XIRP2: variants seen among roughly 807,000 people sequenced by gnomAD.
XIRP2 encodes the protein xin actin binding repeat containing 2, also known as xin actin-binding repeat-containing protein 2.
Under a neutral mutation model 277.0 loss-of-function variants are expected in XIRP2, and 236 were observed. That is an observed-to-expected ratio of 0.85 (90% CI 0.77 to 0.95). The LOEUF is 0.95. XIRP2 is among the 40% of genes least tolerant of loss of function. XIRP2 has a pLI of 0.00. For missense variants in XIRP2, 4,640 were observed against 4,157.5 expected, an observed-to-expected ratio of 1.12 and a Z score of -3.19; for synonymous variants, 1,490 against 1,416.5, an observed-to-expected ratio of 1.05 and a Z score of -1.17.
At chr2:167,010,754 G>T (rs565252181) in intron 2 of XIRP2, among the ~76,000 whole-genome samples, 2 of 152,080 alleles carry the variant, frequency 1.3e-5, no homozygotes, top group South Asian at 4.2e-4. Flanking sequence ...ATTGAGCAGT[G>T]GTTTGTAGTT....
intron 5 of XIRP2, among the ~76,000 whole-genome samples, chr2:167,226,548 C>T (rs968287591): frequency 2.6e-5 from 4 of 152,278 alleles, no homozygotes; most frequent in African/African-American, 9.6e-5. Flanking sequence ...AGCAACCACA[C>T]GAGGACTTGC....
intron 2 of XIRP2, among the ~76,000 whole-genome samples, chr2:167,006,269 C>T (rs999735678): frequency 6.6e-6 from 1 of 151,394 alleles, no homozygotes; most frequent in Non-Finnish European, 1.5e-5. Context: ...TTTTTTATCC[C>T]CCCTAGGAGT....
At chr2:167,143,463 T>G (rs1691783482) in intron 3 of XIRP2, among the ~76,000 whole-genome samples, 1 of 152,072 alleles carries the variant, frequency 6.6e-6, no homozygotes, top group Non-Finnish European at 1.5e-5. Flanking sequence ...TCCAAGTAGA[T>G]CCTGCAAAAC....
intron 2 of XIRP2, among the ~76,000 whole-genome samples, chr2:166,926,995 A>C (rs1443778286): frequency 6.6e-6 from 1 of 152,148 alleles, no homozygotes; most frequent in Non-Finnish European, 1.5e-5. Context: ...TGGCTCATTG[A>C]GCTGAGAATA....
At chr2:167,201,206 GAAAGAAAGAAAGAAAGA>G (rs1693684751) in intron 3 of XIRP2, among the ~76,000 whole-genome samples, 2 of 84,626 alleles carry the variant, frequency 2.4e-5, no homozygotes, top group Admixed American at 2.5e-4. Context: ...AAGAAAGAAA[GAAAGAAAGAAAGAAAGA>G]AAGAAAGAAA....
chr2:167,046,307 T>C (rs1275819981), intron 2 of XIRP2, among the ~76,000 whole-genome samples: 1 of 151,816 alleles, frequency 6.6e-6, no homozygotes, highest in East Asian at 1.9e-4. Flanking sequence ...GTTCTCAAGG[T>C]ATTGCCCATT....
At chr2:167,086,104 C>T (rs997480517) in intron 2 of XIRP2, among the ~76,000 whole-genome samples, 1 of 151,934 alleles carries the variant, frequency 6.6e-6, no homozygotes, top group African/African-American at 2.4e-5. Context: ...CCATGTTTAG[C>T]ACTTCCTTCA....
Position 166,895,006 on chromosome 2 carries a change from G to A in XIRP2, c.-19+6449G>A, listed in dbSNP as rs1243841810. ...GGAGAGAGAAGAGTACTTACGCAGA[G>A]GGACAGCCTTTGCAAAGGTCCTGTG... On this transcript the variant is annotated intron_variant, in intron 1 of 10. Coordinates refer to ENST00000409195, the MANE Select transcript of XIRP2 (RefSeq NM_152381.6). Among the ~76,000 whole-genome samples, 4 of 152,086 alleles carry A rather than the reference G, an allele frequency of 2.6e-5. No individual in the cohort carries two copies. The East Asian group carries it at 5.8e-4, about 22-fold the overall frequency.
At chr2:167,037,897 T>C (rs532087583) in intron 2 of XIRP2, among the ~76,000 whole-genome samples, 2 of 152,168 alleles carry the variant, frequency 1.3e-5, no homozygotes, top group South Asian at 4.1e-4. Flanking sequence ...AGATTATTGA[T>C]AATTTCTTTT....
intron 1 of XIRP2, among the ~76,000 whole-genome samples, chr2:166,898,299 G>A (rs980315762): frequency 6.6e-6 from 1 of 152,086 alleles, no homozygotes; most frequent in African/African-American, 2.4e-5. Context: ...TTGGAACTGA[G>A]AGGTCGTAGA....
At chr2:167,150,043 A>G (rs571347197) in intron 3 of XIRP2, among the ~76,000 whole-genome samples, 5 of 152,148 alleles carry the variant, frequency 3.3e-5, no homozygotes, top group East Asian at 3.9e-4. Context: ...CAGAAGCTCA[A>G]TCTCAGCATT....
intron 2 of XIRP2, among the ~76,000 whole-genome samples, chr2:167,049,420 CAGAAT>C (rs1311146545): frequency 4.0e-5 from 6 of 150,706 alleles, no homozygotes; most frequent in African/African-American, 1.5e-4. Flanking sequence ...CTTAACAAAA[CAGAAT>C]AGAATAGTTT....
chr2:166,950,949 T>C (rs748110063), intron 2 of XIRP2, among the ~76,000 whole-genome samples: 2 of 152,046 alleles, frequency 1.3e-5, no homozygotes, highest in Non-Finnish European at 2.9e-5. Flanking sequence ...TCACTCTTCC[T>C]ATAACGAGGG....
intron 2 of XIRP2, among the ~76,000 whole-genome samples, chr2:167,070,430 T>C (rs1689408905): frequency 6.6e-6 from 1 of 152,168 alleles, no homozygotes; most frequent in African/African-American, 2.4e-5. Context: ...CTGAGCTCAC[T>C]GAACTTCAGG....
chr2:167,088,244 G>A (rs1031096226), intron 2 of XIRP2, among the ~76,000 whole-genome samples: 20 of 152,050 alleles, frequency 1.3e-4, no homozygotes, highest in African/African-American at 4.8e-4. Flanking sequence ...ATCCCCTAAA[G>A]CAGGAAGTTT....
At chr2:166,891,479 A>G (rs1684103435) in intron 1 of XIRP2, among the ~76,000 whole-genome samples, 1 of 152,184 alleles carries the variant, frequency 6.6e-6, no homozygotes, top group Non-Finnish European at 1.5e-5. Flanking sequence ...TTGACAATAT[A>G]TAATAATAAA....
At chr2:167,172,067 G>A (rs887905978) in intron 3 of XIRP2, among the ~76,000 whole-genome samples, 1 of 152,156 alleles carries the variant, frequency 6.6e-6, no homozygotes, top group Admixed American at 6.5e-5. Flanking sequence ...TTCAATGTGA[G>A]TCCTTTTCTA....
intron 2 of XIRP2, among the ~76,000 whole-genome samples, chr2:167,077,395 A>G (rs1031917437): frequency 1.3e-5 from 2 of 152,064 alleles, no homozygotes; most frequent in African/African-American, 4.8e-5. Context: ...AGAACCTATT[A>G]TGTGGCAGCC....
Position 167,246,251 on chromosome 2 carries a change from A to G in XIRP2, c.4859A>G (p.Glu1620Gly). The stretch of plus-strand genomic sequence containing the variant: ...CTACTTTCCAAAAGGGACTGTACTG[A>G]AAGAGAGATTTTGATTAGTGAAGAA... The part of the protein sequence containing the change: ...VNLLSKRDCT[E>G]REILISEEEK... The change falls in exon 9 of 11, where the codon GAA (glutamate) becomes GGA (glycine). Residue 1620 changes from glutamate (E) to glycine (G), a missense_variant. Transcript: ENST00000409195. The G allele has an allele frequency of 6.2e-7, 1 of 1,613,538 alleles. No individual in the cohort carries two copies. Among genetic ancestry groups the G allele is most frequent in the Non-Finnish European group, 8.5e-7 (1 of 1,179,750 alleles).
Sources: allele counts gnomAD v4.1 joint callset (sites outside exome capture counted in the v4.1 genomes callset), GRCh38; gene constraint gnomAD v4.1.1; transcripts MANE v1.5; gene names NCBI Gene and HGNC (gene_info 2026-07-23, HGNC 2026-07-21).